The following C6 variants were observed in gnomAD, a reference collection of about 807,000 sequenced individuals.
C6 encodes the protein complement component C6.
C6 carries 101 observed loss-of-function variants against 112.9 expected under a neutral mutation model. That is an observed-to-expected ratio of 0.89 (90% CI 0.76 to 1.06). C6 has a LOEUF of 1.06. C6 is among the 50% of genes least tolerant of loss of function. The probability of loss-of-function intolerance (pLI) is 0.00; values close to 1 mark genes in which losing one functional copy is unlikely to be tolerated. For missense variants in C6, 1,202 were observed against 1,104.6 expected (o/e 1.09, Z -1.25); for synonymous variants, 431 against 384.1 (o/e 1.12, Z -1.43).
At chr5:41,204,725 A>G (rs1348595354) in intron 1 of C6, among the ~76,000 whole-genome samples, 4 of 136,238 alleles carry the variant, frequency 2.9e-5, no homozygotes, top group Admixed American at 1.7e-4. Context: ...GCTAGAGTGC[A>G]GTGGTGTGAT....
Position 41,224,501 on chromosome 5 carries a change from A to C in C6, c.-20-21251T>G, listed in dbSNP as rs566885225. ...ACATTTCATATAATTGAAATAATAT[A>C]ATACGTCGTCTTTTGAGACTGATTC... On this transcript the variant is annotated intron_variant, in intron 1 of 17. Coordinates refer to the C6 transcript ENST00000263413. 1.1e-4 allele frequency among the ~76,000 whole-genome samples: 16 copies of C among 152,242 alleles called. No homozygotes were observed. The South Asian group carries it at 2.5e-3, about 24-fold the overall frequency.
intron 1 of C6, among the ~76,000 whole-genome samples, chr5:41,233,639 T>C (rs76348831): frequency 0.01 from 1,529 of 152,146 alleles, 33 homozygotes; most frequent in African/African-American, 0.035. Context: ...CATTTGTAGA[T>C]TTGTAATAAG....
intron 9 of C6, 69 bp from the exon 10 acceptor site, chr5:41,161,928 A>G: frequency 6.7e-7 from 1 of 1,496,552 alleles, no homozygotes; most frequent in Non-Finnish European, 9.3e-7. Context: ...ACAAACAAAC[A>G]AAAACCTATT....
At chr5:41,195,191 A>G (rs986599311) in intron 5 of C6, among the ~76,000 whole-genome samples, 3 of 151,960 alleles carry the variant, frequency 2.0e-5, no homozygotes, top group African/African-American at 7.3e-5. Context: ...TATTCACTTC[A>G]CCTCTTACTC....
chr5:41,247,497 C>T (rs1335882180), intron 1 of C6, among the ~76,000 whole-genome samples: 4 of 152,012 alleles, frequency 2.6e-5, no homozygotes, highest in African/African-American at 7.2e-5. Flanking sequence ...TTGGGTGGAT[C>T]ATGAGGTCAG....
At chr5:41,143,864 T>C (rs1277731117) in intron 17 of C6, among the ~76,000 whole-genome samples, 2 of 152,248 alleles carry the variant, frequency 1.3e-5, no homozygotes, top group Non-Finnish European at 2.9e-5. Context: ...AAGCACTTCA[T>C]AATTCATTTA....
chr5:41,185,355 T>C (rs948334712), intron 6 of C6, among the ~76,000 whole-genome samples: 1 of 152,194 alleles, frequency 6.6e-6, no homozygotes, highest in Non-Finnish European at 1.5e-5. Context: ...CATAAAGTGG[T>C]TCTCAGAAAT....
At chr5:41,241,889 C>T (rs891084325) in intron 1 of C6, among the ~76,000 whole-genome samples, 6 of 152,166 alleles carry the variant, frequency 3.9e-5, no homozygotes, top group Non-Finnish European at 8.8e-5. Flanking sequence ...AGCTGGTGGA[C>T]CAGTGTCCCC....
intron 5 of C6, among the ~76,000 whole-genome samples, chr5:41,194,563 T>C (rs991570605): frequency 5.9e-5 from 9 of 152,332 alleles, no homozygotes; most frequent in African/African-American, 1.9e-4. Context: ...CGAGTTTTCA[T>C]ATTATGCAAC....
At position 41,160,287 on chromosome 5, in the gene C6, C is replaced by A; in HGVS notation, c.1539G>T (p.Glu513Asp). The A allele has an allele frequency of 6.2e-7, 1 of 1,613,876 alleles. No homozygotes were observed. Among genetic ancestry groups the A allele is most frequent in the Non-Finnish European group, 8.5e-7 (1 of 1,179,854 alleles). ...KRNNLRKALQEYAAKFDPCQC... is the reference protein window; with the variant it reads ...KRNNLRKALQDYAAKFDPCQC... The stretch of plus-strand genomic sequence containing the variant: ...GGCAAGGATCGAACTTGGCTGCATA[C>A]TCTTGCAAAGCTTTCCTGAGGTTGT... Residue 513 changes from glutamate (E) to aspartate (D), a missense_variant, in exon 11 of 18, where the codon GAG becomes GAT. Coordinates refer to ENST00000337836, the MANE Select transcript of C6 (RefSeq NM_000065.5).
At chr5:41,243,054 T>A (rs1052895003) in intron 1 of C6, among the ~76,000 whole-genome samples, 1 of 152,126 alleles carries the variant, frequency 6.6e-6, no homozygotes, top group Middle Eastern at 3.2e-3. Flanking sequence ...ATGGGAGAAC[T>A]TTTCTTTTCT....
chr5:41,149,421 C>A lies in C6; in HGVS notation c.2443G>T (p.Ala815Ser). The change falls in exon 17 of 18, where the codon GCT (alanine) becomes TCT (serine). Residue 815 changes from alanine (A) to serine (S), a missense_variant. Physicochemically the swap from Ala to Ser is moderately conservative, Grantham distance 99. Coordinates refer to ENST00000337836, the MANE Select transcript of C6 (RefSeq NM_000065.5). ...TDSNDYFTSP[A>S]CKFLAEKCLN... ...CATTTCTCAGCCAAAAACTTACAAGCGGGTGAAGTAAAGTAATCGTTGGAG... is the reference window on the plus strand; with the variant it reads ...CATTTCTCAGCCAAAAACTTACAAGAGGGTGAAGTAAAGTAATCGTTGGAG... 1 of 1,613,970 alleles carries A rather than the reference C, an allele frequency of 6.2e-7. No homozygotes were observed. Among genetic ancestry groups the A allele is most frequent in the East Asian group, 2.2e-5 (1 of 44,868 alleles).
upstream of C6, among the ~76,000 whole-genome samples, chr5:41,215,558 A>C (rs1357407495): frequency 6.6e-6 from 1 of 152,182 alleles, no homozygotes; most frequent in East Asian, 1.9e-4. Flanking sequence ...CAGCAACTGC[A>C]GGCCTTCTGA....
At chr5:41,199,618 G>C in intron 4 of C6, 150 bp downstream of exon 4, 1 of 806,754 alleles carries the variant, frequency 1.2e-6, no homozygotes, top group Non-Finnish European at 2.2e-6. Context: ...GGAATATCTT[G>C]GGAATTGGCA....
intron 3 of C6, among the ~76,000 whole-genome samples, chr5:41,200,885 GTTGTTGTTTT>G (rs1351499501): frequency 7.4e-5 from 5 of 67,122 alleles, no homozygotes; most frequent in African/African-American, 3.4e-4. Context: ...TGTTGTTGTT[GTTGTTGTTTT>G]TTTTTTTTTT....
At chr5:41,165,620 A>G (rs1003722547) in intron 9 of C6, among the ~76,000 whole-genome samples, 4 of 152,082 alleles carry the variant, frequency 2.6e-5, no homozygotes, top group Non-Finnish European at 5.9e-5. Flanking sequence ...ATTTTCCTAT[A>G]TTATATGTCT....
intron 1 of C6, among the ~76,000 whole-genome samples, chr5:41,231,736 A>T (rs1739912696): frequency 6.6e-6 from 1 of 151,972 alleles, no homozygotes; most frequent in South Asian, 2.1e-4. Context: ...TGTTTCTAAC[A>T]TGTTATTCCC....
chr5:41,203,218 A>T lies in C6; in HGVS notation c.13T>A (p.Ser5Thr). Residue 5 changes from serine (S) to threonine (T), a missense_variant, in exon 2 of 18, where the codon TCT becomes ACT. By Grantham distance (58) the Ser-to-Thr change is moderately conservative (BLOSUM62 1). Coordinates refer to ENST00000337836, the MANE Select transcript of C6 (RefSeq NM_000065.5). Reference sequence around the variant, plus strand: ...TTCAGCAGGATGAAGTACAAGACAGAGCGTCTGGCCATGCCTTGAGAGCCT... The same window carrying T: ...TTCAGCAGGATGAAGTACAAGACAGTGCGTCTGGCCATGCCTTGAGAGCCT... MARRSVLYFILLNAL... is the reference protein window; with the variant it reads MARRTVLYFILLNAL... 6.2e-7 allele frequency: 1 copy of T among 1,614,174 alleles called. No homozygotes were observed. Among genetic ancestry groups the T allele is most frequent in the Non-Finnish European group, 8.5e-7 (1 of 1,179,988 alleles).
chr5:41,229,094 G>A (rs930280621), intron 1 of C6, among the ~76,000 whole-genome samples: 6 of 152,140 alleles, frequency 3.9e-5, no homozygotes, highest in Admixed American at 1.3e-4. Context: ...CAGCTTGGGC[G>A]ACAGAGCACG....
Sources: allele counts gnomAD v4.1 joint callset (sites outside exome capture counted in the v4.1 genomes callset), GRCh38; gene constraint gnomAD v4.1.1; transcripts MANE v1.5; gene names NCBI Gene and HGNC (gene_info 2026-07-23, HGNC 2026-07-21).